Variants in SLC7A1 observed in about 807,000 individuals in gnomAD.
The protein encoded by SLC7A1 is solute carrier family 7 member 1.
Under a neutral mutation model 53.9 loss-of-function variants are expected in SLC7A1, and 10 were observed. The ratio of observed to expected loss-of-function variants is 0.19; its 90% CI spans 0.11 to 0.31. The LOEUF (loss-of-function observed/expected upper bound fraction) is 0.31, where lower values mean the gene tolerates loss of function less well. Ranked by LOEUF, SLC7A1 falls within the 10% of genes least tolerant of loss-of-function variation. The pLI is 1.00. For missense variants in SLC7A1, 525 were observed against 827.2 expected, an observed-to-expected ratio of 0.63 and a Z score of 4.48; for synonymous variants, 342 against 338.7, an observed-to-expected ratio of 1.01 and a Z score of -0.11.
intron 1 of SLC7A1, among the ~76,000 whole-genome samples, chr13:29,580,760 A>AACAGTGTTAAGG (rs1277932511): frequency 5.3e-4 from 81 of 152,186 alleles, no homozygotes; most frequent in Non-Finnish European, 9.7e-4. Flanking sequence ...CTAGAGACTG[A>AACAGTGTTAAGG]AGGTGATTAA....
At chr13:29,594,251 T>A (rs678844) in intron 1 of SLC7A1, among the ~76,000 whole-genome samples, 10 of 152,276 alleles carry the variant, frequency 6.6e-5, no homozygotes, top group Non-Finnish European at 1.0e-4. Flanking sequence ...ACTAGTCGAA[T>A]GTAAGTAAGA....
At position 29,510,868 on chromosome 13, in the gene SLC7A1, G is replaced by A. The variant is rs142227164; in HGVS notation, c.*3612C>T. ...CCAGGCAGGCTTGCTTTAGCATTGAGTCCTGCGTCGCGCAATGCCCAGGAC... is the reference window on the plus strand; with the variant it reads ...CCAGGCAGGCTTGCTTTAGCATTGAATCCTGCGTCGCGCAATGCCCAGGAC... On this transcript the variant is annotated 3_prime_UTR_variant, in exon 13 of 13. Coordinates refer to ENST00000380752, the MANE Select transcript of SLC7A1 (RefSeq NM_003045.5). 7 of 152,414 alleles carry A rather than the reference G, an allele frequency of 4.6e-5. No homozygotes were observed. Among genetic ancestry groups the A allele is most frequent in the African/African-American group, 1.2e-4 (5 of 41,600 alleles). The allele number at this position is 152,414 out of a possible 1,614,324, so 9.4% of individuals were successfully genotyped here. A position where few individuals can be genotyped will look rare whatever the true frequency, so the allele number is the denominator to read the frequency against.
At chr13:29,583,763 C>A (rs1393376310) in intron 1 of SLC7A1, among the ~76,000 whole-genome samples, 1 of 152,200 alleles carries the variant, frequency 6.6e-6, no homozygotes, top group African/African-American at 2.4e-5. Flanking sequence ...TTCTAAAATT[C>A]TAATTGTATC....
rs371580990 is a variant in SLC7A1, at chr13:29,559,995, G to A, written c.-114-6135C>T. Reference sequence around the variant, plus strand: ...CTCCCAAAGTGCTGGGATTACAGGCGTGAGCCATTGCACCCGGACCTTTTT... The same window carrying A: ...CTCCCAAAGTGCTGGGATTACAGGCATGAGCCATTGCACCCGGACCTTTTT... On this transcript the variant is annotated intron_variant, in intron 1 of 12. Coordinates refer to ENST00000380752, the MANE Select transcript of SLC7A1 (RefSeq NM_003045.5). Among the ~76,000 whole-genome samples the A allele has an allele frequency of 2.8e-3, 422 of 152,192 alleles. 2 individuals are homozygous for A. Among genetic ancestry groups the A allele is most frequent in the African/African-American group, 9.7e-3 (402 of 41,480 alleles).
intron 2 of SLC7A1, among the ~76,000 whole-genome samples, chr13:29,553,146 C>A (rs1870279461): frequency 6.6e-6 from 1 of 152,148 alleles, no homozygotes; most frequent in Admixed American, 6.5e-5. Context: ...CGAGTTACAG[C>A]AGAATTCCTA....
intron 8 of SLC7A1, 150 bp from the exon 9 acceptor site, chr13:29,519,699 A>G: frequency 1.8e-6 from 1 of 561,990 alleles, no homozygotes; most frequent in East Asian, 3.0e-5. Flanking sequence ...GACACAGCTT[A>G]AAGGGAAGTC....
At chr13:29,579,062 C>T (rs1837886462) in intron 1 of SLC7A1, among the ~76,000 whole-genome samples, 1 of 152,246 alleles carries the variant, frequency 6.6e-6, no homozygotes, top group South Asian at 2.1e-4. Context: ...CTCTAGATAT[C>T]TCAACACAGA....
chr13:29,584,705 A>G (rs1279450256), intron 1 of SLC7A1, among the ~76,000 whole-genome samples: 2 of 152,150 alleles, frequency 1.3e-5, no homozygotes, highest in Non-Finnish European at 2.9e-5. Context: ...AGACTTAAAG[A>G]CATTTATTTT....
At chr13:29,554,180 A>G (rs964822069) in intron 1 of SLC7A1, among the ~76,000 whole-genome samples, 19 of 152,218 alleles carry the variant, frequency 1.2e-4, no homozygotes, top group African/African-American at 4.6e-4. Flanking sequence ...AATCTAGGGC[A>G]TAGTCGTAGG....
chr13:29,524,880 A>G (rs1379078491), intron 5 of SLC7A1, among the ~76,000 whole-genome samples: 1 of 152,208 alleles, frequency 6.6e-6, no homozygotes, highest in Non-Finnish European at 1.5e-5. Context: ...AAGCAAAATA[A>G]GCACAGTTTA....
chr13:29,578,536 G>A (rs1330426954), intron 1 of SLC7A1, among the ~76,000 whole-genome samples: 1 of 152,216 alleles, frequency 6.6e-6, no homozygotes, highest in Non-Finnish European at 1.5e-5. Flanking sequence ...TCCACCGTCT[G>A]TCCCCAGCTG....
chr13:29,580,090 G>T (rs1178480555), intron 1 of SLC7A1, among the ~76,000 whole-genome samples: 1 of 152,176 alleles, frequency 6.6e-6, no homozygotes, highest in Non-Finnish European at 1.5e-5. Flanking sequence ...ACAGAGGGTA[G>T]CATCTTAGTG....
rs184282252 is a variant in SLC7A1 at position 29,567,835 on chromosome 13, C to A, written c.-114-13975G>T. Among the ~76,000 whole-genome samples the A allele has an allele frequency of 2.6e-3, 390 of 148,960 alleles. 5 individuals are homozygous for A. The highest frequency in any genetic ancestry group is 0.021 in the Admixed American group (320 of 15,096). The stretch of plus-strand genomic sequence containing the variant: ...TTAAGCAAGCTCTTGCAAGTCTTGG[C>A]CTCTTTTTTTTTTGGACTTAATTTG... On this transcript the variant is annotated intron_variant, in intron 1 of 12. Transcript: ENST00000380752.
intron 1 of SLC7A1, among the ~76,000 whole-genome samples, chr13:29,593,129 G>T (rs1056250865): frequency 7.9e-5 from 12 of 152,160 alleles, no homozygotes; most frequent in African/African-American, 2.9e-4. Context: ...CTGACCCTGG[G>T]GATAAGAGTT....
chr13:29,583,404 C>T (rs1489816381), intron 1 of SLC7A1, among the ~76,000 whole-genome samples: 2 of 152,210 alleles, frequency 1.3e-5, no homozygotes, highest in Admixed American at 6.5e-5. Flanking sequence ...GTGCTTTCTT[C>T]CTTCACACAG....
intron 1 of SLC7A1, among the ~76,000 whole-genome samples, chr13:29,579,859 C>A (rs1429024811): frequency 6.6e-6 from 1 of 152,134 alleles, no homozygotes; most frequent in Non-Finnish European, 1.5e-5. Context: ...GAACCGGTGC[C>A]CTGCTCCATG....
intron 2 of SLC7A1, among the ~76,000 whole-genome samples, chr13:29,552,844 T>G (rs898065721): frequency 6.6e-6 from 1 of 152,038 alleles, no homozygotes; most frequent in South Asian, 2.1e-4. Flanking sequence ...CATTCTATAT[T>G]TCTGTGTGTG....
chr13:29,534,025 C>T (rs554254024), intron 3 of SLC7A1, among the ~76,000 whole-genome samples: 1 of 152,078 alleles, frequency 6.6e-6, no homozygotes, highest in Non-Finnish European at 1.5e-5. Context: ...TCCTAAGCAG[C>T]CAATCTATTA....
At chr13:29,576,680 C>T (rs543981271) in intron 1 of SLC7A1, among the ~76,000 whole-genome samples, 103 of 152,120 alleles carry the variant, frequency 6.8e-4, no homozygotes, top group African/African-American at 2.3e-3. Flanking sequence ...AACAGATGCA[C>T]CATCTCTAGT....
Sources: allele counts gnomAD v4.1 joint callset (sites outside exome capture counted in the v4.1 genomes callset), GRCh38; gene constraint gnomAD v4.1.1; transcripts MANE v1.5; gene names NCBI Gene and HGNC (gene_info 2026-07-23, HGNC 2026-07-21).